Variants in SDC2 observed in about 807,000 individuals in gnomAD.
The protein encoded by SDC2 is syndecan 2.
SDC2 carries 13 observed loss-of-function variants against 22.2 expected under a neutral mutation model. The ratio of observed to expected loss-of-function variants is 0.59; its 90% confidence interval spans 0.38 to 0.93. The LOEUF (loss-of-function observed/expected upper bound fraction) is 0.93. Ranked by LOEUF, SDC2 falls within the 40% of genes least tolerant of loss-of-function variation. The pLI is 0.00. For missense variants in SDC2, 235 were observed against 246.8 expected, an observed-to-expected ratio of 0.95 and a Z score of 0.32; for synonymous variants, 94 against 92.8, an observed-to-expected ratio of 1.01 and a Z score of -0.07.
At chr8:96,557,467 C>T (rs1190160181) in intron 1 of SDC2, among the ~76,000 whole-genome samples, 5 of 149,518 alleles carry the variant, frequency 3.3e-5, no homozygotes, top group Non-Finnish European at 6.0e-5. Flanking sequence ...GAGTTCATGT[C>T]CTTTGTAGGG....
intron 1 of SDC2, among the ~76,000 whole-genome samples, chr8:96,586,179 C>T (rs998653349): frequency 1.3e-5 from 2 of 152,168 alleles, no homozygotes; most frequent in Non-Finnish European, 2.9e-5. Context: ...GGCAGTTCCC[C>T]TCAGAATAAG....
At chr8:96,573,568 AATC>A (rs1451714792) in intron 1 of SDC2, among the ~76,000 whole-genome samples, 1 of 152,010 alleles carries the variant, frequency 6.6e-6, no homozygotes, top group East Asian at 1.9e-4. Context: ...TAAAGAAATA[AATC>A]ATCATATCCT....
At chr8:96,524,099 G>A (rs142497223) in intron 1 of SDC2, among the ~76,000 whole-genome samples, 15 of 152,304 alleles carry the variant, frequency 9.8e-5, no homozygotes, top group Admixed American at 3.3e-4. Flanking sequence ...CAGTACTTGC[G>A]TTGGGAAACT....
intron 1 of SDC2, among the ~76,000 whole-genome samples, chr8:96,572,015 T>C (rs1042049386): frequency 6.6e-6 from 1 of 152,068 alleles, no homozygotes; most frequent in Non-Finnish European, 1.5e-5. Flanking sequence ...GGAAGGTAAA[T>C]TGGGGTTTGT....
intron 1 of SDC2, among the ~76,000 whole-genome samples, chr8:96,554,173 T>C (rs1240781049): frequency 1.3e-5 from 2 of 152,208 alleles, no homozygotes; most frequent in South Asian, 2.1e-4. Flanking sequence ...TAAGATGATA[T>C]GCAGTTCTGG....
chr8:96,608,299 TA>T (rs766028034), intron 3 of SDC2, 35 bp from the exon 4 acceptor site: 1 of 1,593,988 alleles, frequency 6.3e-7, no homozygotes, highest in Non-Finnish European at 8.5e-7. Flanking sequence ...CACATTTCCT[TA>T]AATCAATGTA....
At chr8:96,507,383 T>A (rs1336767053) in intron 1 of SDC2, among the ~76,000 whole-genome samples, 3 of 152,266 alleles carry the variant, frequency 2.0e-5, no homozygotes, top group Non-Finnish European at 4.4e-5. Context: ...TTTTACGTTA[T>A]ACATTTAGCA....
rs1815135942 is a variant in SDC2 at position 96,609,258 on chromosome 8, T to C, written c.443-127T>C. 27 of 650,916 alleles carry C rather than the reference T, an allele frequency of 4.1e-5. No homozygotes were observed. The South Asian group carries it at 9.4e-4, about 23-fold the overall frequency. The allele number at this position is 650,916 out of a possible 1,614,324, so 40.3% of individuals were successfully genotyped here. ...ACCAGGTTGCTTCATTGAATCCAGC[T>C]TTTTTTTTATTGGGGTTTTCAAATT... On this transcript the variant is annotated intron_variant, in intron 4 of 4. Transcript: ENST00000302190.
chr8:96,577,832 C>T (rs966841663), intron 1 of SDC2, among the ~76,000 whole-genome samples: 10 of 152,188 alleles, frequency 6.6e-5, no homozygotes, highest in African/African-American at 2.4e-4. Flanking sequence ...TGGAATCATA[C>T]AGTATGGAGC....
chr8:96,609,581 A>G lies in SDC2; in HGVS notation c.*33A>G, dbSNP rs1042403. The G allele has an allele frequency of 6.4e-3, 9,182 of 1,444,750 alleles. 36 individuals carry two copies. The highest frequency in any genetic ancestry group is 0.016 in the Middle Eastern group (89 of 5,440). The allele number at this position is 1,444,750 out of a possible 1,614,324, so 89.5% of individuals were successfully genotyped here. Reference sequence around the variant, plus strand: ...ACTTAGTGTCTCTATTTATGAGATCACTGAACTTTTCAAAATAAAGCTTTT... The same window carrying G: ...ACTTAGTGTCTCTATTTATGAGATCGCTGAACTTTTCAAAATAAAGCTTTT... On this transcript the variant is annotated 3_prime_UTR_variant, in exon 5 of 5. Transcript: ENST00000302190.
intron 4 of SDC2, among the ~76,000 whole-genome samples, 155 bp downstream of exon 4, chr8:96,608,625 C>T (rs1488843015): frequency 6.6e-6 from 1 of 152,224 alleles, no homozygotes; most frequent in Non-Finnish European, 1.5e-5. Flanking sequence ...AGAGGCTCAG[C>T]AAACATTGTC....
Position 96,494,257 on chromosome 8 carries a change from C to T in SDC2, c.-15C>T, listed in dbSNP as rs1161178953. On this transcript the variant is annotated 5_prime_UTR_variant, in exon 1 of 5. Coordinates refer to ENST00000302190, the MANE Select transcript of SDC2 (RefSeq NM_002998.4). ...GTTGCAAGCAGCGGCTGGGAGCAGC[C>T]GGTCCCTGGGGAATATGCGGCGCGC... The T allele has an allele frequency of 3.9e-6, 6 of 1,543,362 alleles. No homozygotes were observed. Among genetic ancestry groups the T allele is most frequent in the Non-Finnish European group, 5.2e-6 (6 of 1,147,632 alleles).
intron 3 of SDC2, among the ~76,000 whole-genome samples, chr8:96,603,878 G>A (rs571050518): frequency 3.3e-5 from 5 of 152,286 alleles, no homozygotes; most frequent in East Asian, 1.9e-4. Context: ...AACTGAGACC[G>A]ACTCACCTGG....
At chr8:96,601,678 G>A (rs1048546766) in intron 2 of SDC2, among the ~76,000 whole-genome samples, 3 of 150,698 alleles carry the variant, frequency 2.0e-5, no homozygotes, top group South Asian at 2.1e-4. Flanking sequence ...ACAAAAACCC[G>A]GGAGAGAGGG....
intron 3 of SDC2, among the ~76,000 whole-genome samples, chr8:96,603,579 G>A (rs1426315157): frequency 1.3e-5 from 2 of 152,202 alleles, no homozygotes; most frequent in African/African-American, 2.4e-5. Flanking sequence ...TGAAGGTGGC[G>A]ACAGGCCTTC....
At chr8:96,577,662 G>A (rs2439512) in intron 1 of SDC2, among the ~76,000 whole-genome samples, 123,009 of 152,120 alleles carry the variant, frequency 0.81, 50,667 homozygotes, top group Non-Finnish European at 0.89. Flanking sequence ...AATGCATAAT[G>A]TCGTGTATCT....
intron 1 of SDC2, among the ~76,000 whole-genome samples, chr8:96,508,419 G>A (rs978833724): frequency 1.3e-5 from 2 of 151,734 alleles, no homozygotes; most frequent in Non-Finnish European, 2.9e-5. Context: ...CTTTAACACA[G>A]GAGGCGGAGG....
rs116211968 is a variant in SDC2, at chr8:96,516,876, G to A, written c.60+22545G>A. The stretch of plus-strand genomic sequence containing the variant: ...CAACCTTTTGGCTATTAGGAGTAAT[G>A]CCGCCATAAGCATTTGTGTCCAAGT... On this transcript the variant is annotated intron_variant, in intron 1 of 4. Transcript: ENST00000302190. Among the ~76,000 whole-genome samples the A allele has an allele frequency of 2.3e-3, 349 of 152,246 alleles. 1 individual carries two copies. The highest frequency in any genetic ancestry group is 7.6e-3 in the African/African-American group (316 of 41,538).
chr8:96,495,037 C>G (rs1813047651), intron 1 of SDC2, among the ~76,000 whole-genome samples: 1 of 152,242 alleles, frequency 6.6e-6, no homozygotes, highest in Non-Finnish European at 1.5e-5. Context: ...CGGCGACCCC[C>G]TCCTCGTTGA....
Sources: gnomAD v4.1 joint callset for allele counts (sites outside exome capture counted in the v4.1 genomes callset) on GRCh38, gnomAD v4.1.1 for gene constraint, MANE v1.5 for transcripts, NCBI Gene and HGNC (gene_info 2026-07-23, HGNC 2026-07-21) for gene names.